The following RARRES2 variants were observed in gnomAD, a reference collection of about 807,000 sequenced individuals.
RARRES2 encodes retinoic acid receptor responder protein 2.
In RARRES2, 12 loss-of-function variants were observed where a neutral mutation model predicts 17.9. The ratio of observed to expected loss-of-function variants is 0.67; its 90% CI spans 0.43 to 1.08. The LOEUF (loss-of-function observed/expected upper bound fraction) is 1.08. RARRES2 is among the 50% of genes least tolerant of loss of function. The probability of loss-of-function intolerance (pLI) is 0.00; values close to 1 mark genes in which losing one functional copy is unlikely to be tolerated. For missense variants in RARRES2, 220 were observed against 210.1 expected (o/e 1.05, Z -0.29); for synonymous variants, 82 against 86.8 (o/e 0.94, Z 0.31).
chr7:150,340,426 T>C lies in RARRES2; in HGVS notation c.174+10A>G. The C allele has an allele frequency of 6.3e-7, 1 of 1,591,600 alleles. No individual in the cohort carries two copies. The highest frequency in any genetic ancestry group is 8.6e-7 in the Non-Finnish European group (1 of 1,165,988). On this transcript the variant is annotated intron_variant, in intron 2 of 5. Coordinates refer to ENST00000223271, the MANE Select transcript of RARRES2 (RefSeq NM_002889.4). ...ACCCTCCCCGCTCCTGCCCGGGCCA[T>C]GCTACTCACCGTGTCCACGGCGCTC...
chr7:150,338,871 C>T (rs913611829), intron 4 of RARRES2, 115 bp downstream of exon 4: 4 of 1,544,998 alleles, frequency 2.6e-6, no homozygotes, highest in Non-Finnish European at 3.5e-6. Context: ...CTTTCTAGCC[C>T]CCACTGCCCT....
At chr7:150,338,867 A>G in intron 4 of RARRES2, 119 bp downstream of exon 4, 5 of 1,548,646 alleles carry the variant, frequency 3.2e-6, no homozygotes, top group Middle Eastern at 1.7e-4. Context: ...AGCGCTTTCT[A>G]GCCCCCACTG....
chr7:150,339,699 A>G (rs906161398), intron 3 of RARRES2, among the ~76,000 whole-genome samples: 1 of 149,420 alleles, frequency 6.7e-6, no homozygotes, highest in African/African-American at 2.5e-5. Context: ...CCCACGGTGG[A>G]AGGTTTGCCC....
intron 3 of RARRES2, among the ~76,000 whole-genome samples, chr7:150,339,448 ATCC>A (rs762491828): frequency 4.6e-5 from 7 of 152,252 alleles, no homozygotes; most frequent in African/African-American, 7.2e-5. Flanking sequence ...GAAGGCAAGA[ATCC>A]TCCTCCGATG....
At chr7:150,339,179 A>G in intron 3 of RARRES2, 98 bp from the exon 4 acceptor site, 3 of 1,193,682 alleles carry the variant, frequency 2.5e-6, no homozygotes, top group Middle Eastern at 4.3e-4. Context: ...TCATGGGACC[A>G]GATCCCCAAC....
chr7:150,340,208 C>A lies in RARRES2; in HGVS notation c.175-4G>T. The A allele has an allele frequency of 6.2e-7, 1 of 1,613,790 alleles. No individual in the cohort carries two copies. Among genetic ancestry groups the A allele is most frequent in the East Asian group, 2.2e-5 (1 of 44,876 alleles). On this transcript the variant is annotated splice_polypyrimidine_tract_variant and splice_region_variant and intron_variant, in intron 2 of 5. Coordinates refer to ENST00000223271, the MANE Select transcript of RARRES2 (RefSeq NM_002889.4). The stretch of plus-strand genomic sequence containing the variant: ...CAAATATTCCAGCTGGGAAGGGCTG[C>A]GGACAGACAGGCAGGCAGAGGATGG...
intron 1 of RARRES2, 88 bp from the exon 2 acceptor site, chr7:150,340,717 G>T: frequency 8.5e-7 from 1 of 1,172,848 alleles, no homozygotes; most frequent in Non-Finnish European, 1.1e-6. Context: ...GGTGGGGAGC[G>T]GGGGCGGGGT....
rs1798448414 is a variant in RARRES2 at position 150,340,180 on chromosome 7, T to A, written c.199A>T (p.Arg67Trp). 6.2e-7 allele frequency: 1 copy of A among 1,613,980 alleles called. No homozygotes were observed. Among genetic ancestry groups the A allele is most frequent in the Non-Finnish European group, 8.5e-7 (1 of 1,180,022 alleles). Residue 67 changes from arginine to tryptophan, a missense_variant, in exon 3 of 6, where the codon AGG (arginine) becomes TGG (tryptophan). Coordinates refer to ENST00000223271, the MANE Select transcript of RARRES2 (RefSeq NM_002889.4). ...GTCTGCTGCAGCTTAAATTCCAGCC[T>A]CACAAATATTCCAGCTGGGAAGGGC... ...DTPFPAGIFV[R>W]LEFKLQQTSC...
chr7:150,339,123 G>T (rs1339342805), intron 3 of RARRES2, 42 bp from the exon 4 acceptor site: 5 of 1,524,006 alleles, frequency 3.3e-6, no homozygotes, highest in East Asian at 4.5e-5. Context: ...GAGGAAAAGG[G>T]TGAGGGAGGC....
intron 1 of RARRES2, 163 bp from the exon 2 acceptor site, chr7:150,340,792 C>T (rs1798468378): frequency 3.3e-6 from 2 of 612,704 alleles, no homozygotes; most frequent in Non-Finnish European, 5.4e-6. Flanking sequence ...CCAAATTGAC[C>T]TTAGGGTCCG....
At chr7:150,339,538 G>C (rs1798427255) in intron 3 of RARRES2, among the ~76,000 whole-genome samples, 1 of 151,116 alleles carries the variant, frequency 6.6e-6, no homozygotes, top group Admixed American at 6.6e-5. Flanking sequence ...ATTTGATTTT[G>C]AGGTTGATGA....
At chr7:150,340,737 T>C in intron 1 of RARRES2, 108 bp from the exon 2 acceptor site, 1 of 946,936 alleles carries the variant, frequency 1.1e-6, no homozygotes, top group Non-Finnish European at 1.5e-6. Context: ...TCCAGGCCTG[T>C]AGAACGCTGG....
Position 150,340,462 on chromosome 7 carries a change from TCTC to T in RARRES2, c.145_147del (p.Glu49del), listed in dbSNP as rs765850194. The T allele has an allele frequency of 9.9e-6, 16 of 1,609,072 alleles. No individual in the cohort carries two copies. The highest frequency in any genetic ancestry group is 1.4e-5 in the Non-Finnish European group (16 of 1,177,384). On this transcript the variant is annotated inframe_deletion, in exon 2 of 6. Transcript: ENST00000223271. ...GTGTCCACGGCGCTCTCCACACTGG[TCTC>T]CTGGAAGGCCCACTGCACGGGCGGG...
At chr7:150,340,849 G>T (rs1359440674) in intron 1 of RARRES2, 10 of 458,810 alleles carry the variant, frequency 2.2e-5, no homozygotes, top group South Asian at 1.3e-4. Flanking sequence ...TGTTCCCTGG[G>T]GCCTGCAGTT....
intron 3 of RARRES2, among the ~76,000 whole-genome samples, chr7:150,339,477 A>G (rs759922718): frequency 6.6e-5 from 10 of 152,138 alleles, no homozygotes; most frequent in Admixed American, 2.0e-4. Context: ...TTCCCACCCA[A>G]CGCCTCCAGA....
rs1369887564 is a variant in RARRES2, at chr7:150,338,746, C to T, written c.376-5G>A. ...CTCCTGGTGCTCCTCAGCCTCCTGC[C>T]AGTGCCCAAAACTGTTCAGGCAGTG... On this transcript the variant is annotated splice_polypyrimidine_tract_variant and splice_region_variant and intron_variant, in intron 4 of 5. Transcript: ENST00000223271. The T allele has an allele frequency of 6.4e-7, 1 of 1,558,268 alleles. No homozygotes were observed. Among genetic ancestry groups the T allele is most frequent in the East Asian group, 2.4e-5 (1 of 41,256 alleles).
intron 3 of RARRES2, among the ~76,000 whole-genome samples, chr7:150,339,630 C>A (rs755679286): frequency 6.6e-6 from 1 of 152,164 alleles, no homozygotes; most frequent in South Asian, 2.1e-4. Context: ...AGAGCCCAGG[C>A]CGTGCTCACA....
chr7:150,339,770 G>A (rs1470993496), intron 3 of RARRES2, among the ~76,000 whole-genome samples: 1 of 152,020 alleles, frequency 6.6e-6, no homozygotes, highest in Admixed American at 6.6e-5. Context: ...CACCCACACA[G>A]CCGGCTCCTT....
chr7:150,340,855 C>A lies in RARRES2; in HGVS notation c.-20-226G>T, dbSNP rs181014517. 1,011 of 444,790 alleles carry A rather than the reference C, an allele frequency of 2.3e-3. 10 individuals are homozygous for A. Among genetic ancestry groups the A allele is most frequent in the African/African-American group, 0.019 (899 of 48,038 alleles). 27.6% of individuals were successfully genotyped at this position (444,790 alleles called of 1,614,324 possible). A position where few individuals can be genotyped will look rare whatever the true frequency, so the allele number is the denominator to read the frequency against. On this transcript the variant is annotated intron_variant, in intron 1 of 5. Coordinates refer to ENST00000223271, the MANE Select transcript of RARRES2 (RefSeq NM_002889.4). Reference sequence around the variant, plus strand: ...TGCCCGCGCTGTTCCCTGGGGCCTGCAGTTTTAGCAAAGTTCCCTGCCCAC... The same window carrying A: ...TGCCCGCGCTGTTCCCTGGGGCCTGAAGTTTTAGCAAAGTTCCCTGCCCAC...
Sources: allele counts gnomAD v4.1 joint callset (sites outside exome capture counted in the v4.1 genomes callset), GRCh38; gene constraint gnomAD v4.1.1; transcripts MANE v1.5; gene names NCBI Gene and HGNC (gene_info 2026-07-23, HGNC 2026-07-21).